PLGRKT: variants seen among roughly 807,000 people sequenced by gnomAD.
The protein encoded by PLGRKT is plasminogen receptor with a C-terminal lysine.
A neutral mutation model predicts 18.5 loss-of-function variants in PLGRKT; 22 were observed. That is an observed-to-expected ratio of 1.19 (90% CI 0.85 to 1.70). PLGRKT has a LOEUF of 1.70. Ranked by LOEUF, PLGRKT falls within the 40% of genes most tolerant of loss-of-function variation. PLGRKT has a pLI of 0.00. For missense variants in PLGRKT, 235 were observed against 174.4 expected (o/e 1.35, Z -1.96); for synonymous variants, 72 against 52.8 (o/e 1.36, Z -1.58).
chr9:5,369,808 A>C (rs1817478209), intron 3 of PLGRKT, among the ~76,000 whole-genome samples: 1 of 152,184 alleles, frequency 6.6e-6, no homozygotes, highest in Admixed American at 6.5e-5. Context: ...TGAAGCTGGA[A>C]ACCATCATTC....
At position 5,409,121 on chromosome 9, in the gene PLGRKT, G is replaced by C. The variant is rs1312666186; in HGVS notation, c.81+22776C>G. On this transcript the variant is annotated intron_variant, in intron 3 of 5. Transcript: ENST00000223864. ...GAGCAGTACAGAGGGGAAATATGGGGTTGAAGCCCCCACAAAGATTCCACT... is the reference window on the plus strand; with the variant it reads ...GAGCAGTACAGAGGGGAAATATGGGCTTGAAGCCCCCACAAAGATTCCACT... Among the ~76,000 whole-genome samples the C allele has an allele frequency of 2.6e-5, 4 of 152,220 alleles. No individual in the cohort carries two copies. In the East Asian group the frequency reaches 7.7e-4, roughly 29 times the overall value.
rs1262231941 is a variant in PLGRKT at position 5,369,329 on chromosome 9, A to T, written c.82-7441T>A. Among the ~76,000 whole-genome samples the T allele has an allele frequency of 2.0e-5, 3 of 152,220 alleles. No individual in the cohort carries two copies. The East Asian group carries it at 5.8e-4, about 29-fold the overall frequency. ...GAAGACATTTATGCAGCCAACAAACATATGAAAAAATGCTCATCATCACTG... is the reference window on the plus strand; with the variant it reads ...GAAGACATTTATGCAGCCAACAAACTTATGAAAAAATGCTCATCATCACTG... On this transcript the variant is annotated intron_variant, in intron 3 of 5. Transcript: ENST00000223864.
chr9:5,383,331 G>A (rs1817781496), intron 3 of PLGRKT, among the ~76,000 whole-genome samples: 1 of 152,174 alleles, frequency 6.6e-6, no homozygotes, highest in African/African-American at 2.4e-5. Flanking sequence ...TAGCACACTT[G>A]TTGAGGCAGC....
At chr9:5,421,238 T>A (rs1818570519) in intron 3 of PLGRKT, among the ~76,000 whole-genome samples, 1 of 152,204 alleles carries the variant, frequency 6.6e-6, no homozygotes, top group South Asian at 2.1e-4. Flanking sequence ...GTCTCTGCAT[T>A]CACTTTCCTT....
At chr9:5,430,226 G>A (rs1025308264) in intron 3 of PLGRKT, among the ~76,000 whole-genome samples, 46 of 151,916 alleles carry the variant, frequency 3.0e-4, no homozygotes, top group African/African-American at 1.0e-3. Flanking sequence ...ACGTTAGCTT[G>A]CAAGTAGGGT....
intron 3 of PLGRKT, among the ~76,000 whole-genome samples, chr9:5,409,382 A>G (rs569028495): frequency 6.6e-6 from 1 of 152,362 alleles, no homozygotes; most frequent in South Asian, 2.1e-4. Context: ...CCTGGCCTAC[A>G]TCTTTCTCCC....
intron 5 of PLGRKT, among the ~76,000 whole-genome samples, chr9:5,359,997 T>C (rs553174918): frequency 8.5e-5 from 13 of 152,388 alleles, no homozygotes; most frequent in South Asian, 2.1e-4. Flanking sequence ...TTTTATGGAA[T>C]GCTTGAATCT....
intron 3 of PLGRKT, among the ~76,000 whole-genome samples, chr9:5,406,382 G>A (rs1437899782): frequency 3.9e-5 from 6 of 152,116 alleles, no homozygotes; most frequent in Non-Finnish European, 7.4e-5. Context: ...ATAACAGACT[G>A]GATAAAGAAA....
intron 3 of PLGRKT, among the ~76,000 whole-genome samples, chr9:5,412,503 C>T (rs1458221907): frequency 6.6e-6 from 1 of 152,170 alleles, no homozygotes; most frequent in South Asian, 2.1e-4. Flanking sequence ...TAAAACCAAG[C>T]TTTCTTGGGC....
intron 3 of PLGRKT, among the ~76,000 whole-genome samples, chr9:5,371,779 T>C (rs1284584802): frequency 2.0e-5 from 3 of 151,920 alleles, no homozygotes; most frequent in East Asian, 1.9e-4. Flanking sequence ...ACAATAAGGG[T>C]GTTTTCATTT....
chr9:5,381,966 G>A, intron 3 of PLGRKT: 1 of 985,110 alleles, frequency 1.0e-6, no homozygotes, highest in Non-Finnish European at 1.2e-6. Flanking sequence ...CAGCTCTCAA[G>A]CACAAGGCAC....
At chr9:5,435,186 G>A (rs1451883907) in intron 2 of PLGRKT, among the ~76,000 whole-genome samples, 1 of 152,064 alleles carries the variant, frequency 6.6e-6, no homozygotes, top group East Asian at 1.9e-4. Flanking sequence ...AGGGCCAAAG[G>A]CCGCAGGGAC....
intron 5 of PLGRKT, among the ~76,000 whole-genome samples, chr9:5,359,141 C>A (rs1313624694): frequency 2.0e-5 from 3 of 151,806 alleles, no homozygotes; most frequent in African/African-American, 7.3e-5. Context: ...CAGCTCACTG[C>A]AGCCTCTGTC....
intron 3 of PLGRKT, among the ~76,000 whole-genome samples, chr9:5,381,270 G>A (rs990668625): frequency 2.0e-5 from 3 of 152,214 alleles, no homozygotes; most frequent in African/African-American, 4.8e-5. Flanking sequence ...ACAAACCCAG[G>A]AGCCTAGGAG....
At chr9:5,433,802 C>T (rs1205796927) in intron 2 of PLGRKT, among the ~76,000 whole-genome samples, 1 of 136,270 alleles carries the variant, frequency 7.3e-6, no homozygotes. Context: ...CTGGCTGCCC[C>T]GTCTGGGAAG....
chr9:5,384,797 A>G (rs1004031038), intron 3 of PLGRKT, among the ~76,000 whole-genome samples: 18 of 152,152 alleles, frequency 1.2e-4, no homozygotes, highest in African/African-American at 3.9e-4. Context: ...GCATGAAAAG[A>G]TGCACAAGAA....
chr9:5,429,886 A>G (rs1393219079), intron 3 of PLGRKT, among the ~76,000 whole-genome samples: 1 of 152,202 alleles, frequency 6.6e-6, no homozygotes, highest in Non-Finnish European at 1.5e-5. Context: ...TGTAACTCCC[A>G]GGTCTGACAT....
intron 3 of PLGRKT, among the ~76,000 whole-genome samples, chr9:5,373,650 T>C (rs9785231): frequency 0.16 from 23,781 of 151,958 alleles, 2,066 homozygotes; most frequent in East Asian, 0.3. Context: ...AAATAAAAAT[T>C]AGCTGGGCAT....
At chr9:5,389,268 G>A (rs1817902228) in intron 3 of PLGRKT, among the ~76,000 whole-genome samples, 1 of 151,934 alleles carries the variant, frequency 6.6e-6, no homozygotes, top group South Asian at 2.1e-4. Context: ...GGGGATGCTT[G>A]GTCATTTCTG....
Sources: allele counts gnomAD v4.1 joint callset (sites outside exome capture counted in the v4.1 genomes callset), GRCh38; gene constraint gnomAD v4.1.1; transcripts MANE v1.5; gene names NCBI Gene and HGNC (gene_info 2026-07-23, HGNC 2026-07-21).